The following MBNL1 variants were observed in gnomAD, a reference collection of about 807,000 sequenced individuals.
The protein encoded by MBNL1 is muscleblind like splicing regulator 1, also known as muscleblind-like protein 1.
Under a neutral mutation model 42.2 loss-of-function variants are expected in MBNL1, and 8 were observed. The ratio of observed to expected loss-of-function variants is 0.19; its 90% CI spans 0.11 to 0.34. The LOEUF (loss-of-function observed/expected upper bound fraction) is 0.34. MBNL1 is among the 10% of genes least tolerant of loss of function. MBNL1 has a pLI of 1.00. For synonymous variants in MBNL1, 169 were observed against 173.9 expected (o/e 0.97, Z 0.22); for missense variants, 309 against 495.3 (o/e 0.62, Z 3.57).
intron 1 of MBNL1, among the ~76,000 whole-genome samples, chr3:152,296,486 A>G (rs1212216892): frequency 2.0e-5 from 3 of 152,186 alleles, no homozygotes; most frequent in African/African-American, 7.2e-5. Context: ...TGTTATGGCT[A>G]TGAAATATTC....
At chr3:152,384,032 G>A (rs2097300031) in intron 2 of MBNL1, among the ~76,000 whole-genome samples, 1 of 151,994 alleles carries the variant, frequency 6.6e-6, no homozygotes. Flanking sequence ...CGTTATTTGG[G>A]TAATGAAGTA....
chr3:152,270,685 G>A (rs2040961297), intron 1 of MBNL1, among the ~76,000 whole-genome samples: 2 of 152,190 alleles, frequency 1.3e-5, no homozygotes, highest in Admixed American at 1.3e-4. Context: ...AATGCACATC[G>A]CTGTCACTTG....
chr3:152,315,419 T>C (rs562617082), intron 2 of MBNL1, among the ~76,000 whole-genome samples: 2 of 152,278 alleles, frequency 1.3e-5, no homozygotes, highest in East Asian at 3.9e-4. Flanking sequence ...ACAAGCAAGA[T>C]GTGTTGTGTA....
intron 2 of MBNL1, among the ~76,000 whole-genome samples, chr3:152,369,893 T>G (rs991517234): frequency 5.3e-5 from 8 of 152,208 alleles, no homozygotes; most frequent in African/African-American, 1.9e-4. Flanking sequence ...TATTTGATTC[T>G]TCTCTCTTTT....
At position 152,414,952 on chromosome 3, in the gene MBNL1, C is replaced by A; in HGVS notation, c.186C>A (p.Ser62=). 6.2e-7 allele frequency: 1 copy of A among 1,609,928 alleles called. No individual in the cohort carries two copies. The highest frequency in any genetic ancestry group is 8.5e-7 in the Non-Finnish European group (1 of 1,178,698). The change falls in exon 3 of 10, where the codon TCC becomes TCA. Residue 62 remains serine (S), a synonymous_variant. Transcript: ENST00000324210. ...ACFDSLKGRC[S]RENCKYLHPP... ...TTTTGTTTCTCTAGGGCCGTTGCTC[C>A]AGGGAGAACTGCAAATATCTTCATC...
intron 2 of MBNL1, among the ~76,000 whole-genome samples, chr3:152,319,619 T>TTG (rs1424071892): frequency 1.5e-5 from 1 of 65,374 alleles, no homozygotes; most frequent in Admixed American, 1.6e-4. Flanking sequence ...ATACTGTTTT[T>TTG]TTTTTTTTTT....
At chr3:152,293,930 C>T (rs1291008769) in intron 1 of MBNL1, among the ~76,000 whole-genome samples, 1 of 151,848 alleles carries the variant, frequency 6.6e-6, no homozygotes, top group African/African-American at 2.4e-5. Context: ...AGGTATGTGA[C>T]TCTTAAATAG....
intron 3 of MBNL1, among the ~76,000 whole-genome samples, chr3:152,432,390 A>C (rs2099018587): frequency 6.6e-6 from 1 of 152,218 alleles, no homozygotes; most frequent in Admixed American, 6.5e-5. Flanking sequence ...ACAAAGATGA[A>C]GATTAGATGA....
chr3:152,254,637 A>C (rs1576791844), intron 2 of MBNL1, among the ~76,000 whole-genome samples: 1 of 152,102 alleles, frequency 6.6e-6, no homozygotes, highest in Admixed American at 6.6e-5. Context: ...TTTCTTGTAC[A>C]TCCAAAATAT....
At chr3:152,446,765 G>A (rs761126379) in intron 5 of MBNL1, 1 of 1,611,868 alleles carries the variant, frequency 6.2e-7, no homozygotes, top group African/African-American at 1.3e-5. Context: ...CTGGTACTAT[G>A]ACCTTTCACC....
intron 2 of MBNL1, among the ~76,000 whole-genome samples, chr3:152,349,343 T>C (rs1298434199): frequency 1.3e-5 from 2 of 152,036 alleles, no homozygotes; most frequent in Non-Finnish European, 1.5e-5. Flanking sequence ...AGAAAGTACA[T>C]AAACAATATT....
chr3:152,283,817 G>A (rs552825840), intron 1 of MBNL1, among the ~76,000 whole-genome samples: 12 of 152,212 alleles, frequency 7.9e-5, no homozygotes, highest in African/African-American at 2.9e-4. Flanking sequence ...ATTACTGTCT[G>A]GATTTCTACA....
intron 2 of MBNL1, among the ~76,000 whole-genome samples, chr3:152,407,913 A>T (rs1159267855): frequency 6.6e-6 from 1 of 152,138 alleles, no homozygotes; most frequent in Non-Finnish European, 1.5e-5. Context: ...CCCACTTATA[A>T]GTGGGAGCTG....
At chr3:152,310,965 A>G (rs2066043089) in intron 2 of MBNL1, among the ~76,000 whole-genome samples, 2 of 148,404 alleles carry the variant, frequency 1.3e-5, no homozygotes, top group South Asian at 2.1e-4. Context: ...CAAAAGTAGT[A>G]TAACTGTTAT....
rs566992937 is a variant in MBNL1 at position 152,454,144 on chromosome 3, T to C, written c.962-1398T>C. ...CAGTAGTAGTAGCAAATGACAGAGA[T>C]CTTCAAGTGTCTTAATGCTTGTCAA... On this transcript the variant is annotated intron_variant, in intron 6 of 9. Coordinates refer to ENST00000324210, the MANE Select transcript of MBNL1 (RefSeq NM_021038.5). Among the ~76,000 whole-genome samples, 282 of 152,326 alleles carry C rather than the reference T, an allele frequency of 1.9e-3. 1 individual carries two copies. Among genetic ancestry groups the C allele is most frequent in the African/African-American group, 6.6e-3 (273 of 41,580 alleles).
intron 2 of MBNL1, among the ~76,000 whole-genome samples, chr3:152,398,632 C>T (rs2098088366): frequency 6.6e-6 from 1 of 152,158 alleles, no homozygotes; most frequent in South Asian, 2.1e-4. Flanking sequence ...AACATAATTA[C>T]TTAATTGGTC....
intron 8 of MBNL1, chr3:152,457,782 C>A: frequency 4.3e-6 from 1 of 233,642 alleles, no homozygotes; most frequent in South Asian, 7.8e-5. Context: ...CCATGTATGA[C>A]TGTAGAATTG....
At position 152,326,414 on chromosome 3, in the gene MBNL1, A is replaced by G. The variant is rs188227183; in HGVS notation, c.174+26047A>G. Among the ~76,000 whole-genome samples, 255 of 152,304 alleles carry G rather than the reference A, an allele frequency of 1.7e-3. 2 individuals are homozygous for G. Among genetic ancestry groups the G allele is most frequent in the Admixed American group, 4.9e-3 (75 of 15,296 alleles). ...CCTGCTTTTAATGATGCTGCAATCT[A>G]TCAGTGAATCAGATTGGCCTGGGCC... is the stretch of plus-strand genomic sequence containing the variant. On this transcript the variant is annotated intron_variant, in intron 2 of 9. Coordinates refer to ENST00000324210, the MANE Select transcript of MBNL1 (RefSeq NM_021038.5).
chr3:152,415,156 G>T lies in MBNL1; in HGVS notation c.345+45G>T, dbSNP rs746225171. 1.5e-5 allele frequency: 23 copies of T among 1,513,478 alleles called. No homozygotes were observed. In the South Asian group the frequency reaches 2.9e-4, roughly 19 times the overall value. The allele number at this position is 1,513,478 out of a possible 1,614,324, so 93.8% of individuals were successfully genotyped here. ...TCACTCATTAAGTTTTTGATTCAAA[G>T]TGCTCAGTTGTAGTACTAAAGTGAT... On this transcript the variant is annotated intron_variant, in intron 3 of 9. Coordinates refer to ENST00000324210, the MANE Select transcript of MBNL1 (RefSeq NM_021038.5).
Sources: allele counts gnomAD v4.1 joint callset (sites outside exome capture counted in the v4.1 genomes callset), GRCh38; gene constraint gnomAD v4.1.1; transcripts MANE v1.5; gene names NCBI Gene and HGNC (gene_info 2026-07-23, HGNC 2026-07-21).